Variants in HS6ST2 observed in about 807,000 individuals in gnomAD.
The protein encoded by HS6ST2 is heparan-sulfate 6-O-sulfotransferase 2.
HS6ST2 carries 17 observed loss-of-function variants against 33.0 expected under a neutral mutation model. That is an observed-to-expected ratio of 0.52 (90% CI 0.35 to 0.77). HS6ST2 has a LOEUF of 0.77. Ranked by LOEUF, HS6ST2 falls within the 30% of genes least tolerant of loss-of-function variation. The pLI, the probability that HS6ST2 is intolerant of heterozygous loss-of-function variation, is 0.01. For synonymous variants in HS6ST2, 248 were observed against 237.1 expected (o/e 1.05, Z -0.42); for missense variants, 519 against 551.7 (o/e 0.94, Z 0.59).
intron 2 of HS6ST2, among the ~76,000 whole-genome samples, chrX:132,834,390 C>A (rs1000409668): frequency 4.5e-5 from 5 of 111,880 alleles, no homozygotes; most frequent in Middle Eastern, 4.6e-3. Flanking sequence ...GTGATGAAAT[C>A]TCTGATTCCA....
chrX:132,735,622 C>T (rs1199437841), intron 2 of HS6ST2, among the ~76,000 whole-genome samples: 1 of 111,307 alleles, frequency 9.0e-6, no homozygotes, highest in Non-Finnish European at 1.9e-5. Context: ...AACAGGAAGG[C>T]TGGTCTCAAG....
At chrX:132,889,468 A>G (rs1022932790) in intron 2 of HS6ST2, among the ~76,000 whole-genome samples, 1 of 111,196 alleles carries the variant, frequency 9.0e-6, no homozygotes, top group East Asian at 2.9e-4. Flanking sequence ...ACTGGGTCAA[A>G]GGGAACGGTA....
At chrX:132,707,313 G>A (rs1176717467) in intron 3 of HS6ST2, among the ~76,000 whole-genome samples, 1 of 112,219 alleles carries the variant, frequency 8.9e-6, no homozygotes, top group Non-Finnish European at 1.9e-5. Flanking sequence ...ATATTTAAAT[G>A]TTCTCCCATA....
chrX:132,636,824 C>T (rs858619), intron 4 of HS6ST2, among the ~76,000 whole-genome samples: 15,920 of 111,717 alleles, frequency 0.14, 824 homozygotes, highest in Non-Finnish European at 0.15. Context: ...TTTGGCTGCT[C>T]AAAGAGGACA....
At chrX:132,907,780 C>T (rs181561078) in intron 2 of HS6ST2, among the ~76,000 whole-genome samples, 129 of 112,282 alleles carry the variant, frequency 1.1e-3, no homozygotes, top group African/African-American at 4.0e-3. Context: ...AACTTGAAAT[C>T]GATCGGAGAC....
At chrX:132,656,833 C>A (rs2063733704) in intron 4 of HS6ST2, among the ~76,000 whole-genome samples, 1 of 111,659 alleles carries the variant, frequency 9.0e-6, no homozygotes, top group Admixed American at 9.5e-5. Context: ...TCCAGACTAC[C>A]CCATCACTTT....
At chrX:132,744,689 C>T (rs1287608450) in intron 2 of HS6ST2, among the ~76,000 whole-genome samples, 5 of 111,364 alleles carry the variant, frequency 4.5e-5, no homozygotes, top group African/African-American at 1.6e-4. Flanking sequence ...AATACATTGA[C>T]AGGGTGCCCC....
chrX:132,714,178 T>C (rs2064254560), intron 2 of HS6ST2, among the ~76,000 whole-genome samples: 1 of 111,559 alleles, frequency 9.0e-6, no homozygotes, highest in Non-Finnish European at 1.9e-5. Context: ...AATAAAAAAC[T>C]GATACCCCAA....
intron 2 of HS6ST2, among the ~76,000 whole-genome samples, chrX:132,912,848 G>T (rs950244113): frequency 1.8e-5 from 2 of 111,617 alleles, no homozygotes; most frequent in African/African-American, 6.5e-5. Flanking sequence ...ATAAATCCAT[G>T]GACAAAATTG....
At chrX:132,649,655 C>T (rs1330470816) in intron 4 of HS6ST2, among the ~76,000 whole-genome samples, 1 of 111,398 alleles carries the variant, frequency 9.0e-6, no homozygotes, top group Non-Finnish European at 1.9e-5. Context: ...GTCAGGAGTT[C>T]GAGACCAGCC....
intron 2 of HS6ST2, among the ~76,000 whole-genome samples, chrX:132,848,323 C>T (rs1004460225): frequency 6.2e-5 from 7 of 112,658 alleles, no homozygotes; most frequent in African/African-American, 2.3e-4. Context: ...AGATGCATCC[C>T]TCCTGGGTAG....
chrX:132,915,418 G>A (rs150603190), intron 2 of HS6ST2, among the ~76,000 whole-genome samples: 8 of 112,029 alleles, frequency 7.1e-5, no homozygotes, highest in Non-Finnish European at 1.1e-4. Flanking sequence ...TCCTCAAGAC[G>A]TATCTTTAGA....
chrX:132,924,379 T>A (rs893360288), intron 2 of HS6ST2, among the ~76,000 whole-genome samples: 6 of 112,287 alleles, frequency 5.3e-5, no homozygotes, highest in African/African-American at 1.9e-4. Flanking sequence ...TTAAATGTGT[T>A]CCTATAAGCC....
chrX:132,905,372 C>A (rs1216883307), intron 2 of HS6ST2, among the ~76,000 whole-genome samples: 3 of 112,294 alleles, frequency 2.7e-5, no homozygotes, highest in Non-Finnish European at 5.6e-5. Context: ...CTTTTCACAC[C>A]TAGATTTTTC....
intron 2 of HS6ST2, among the ~76,000 whole-genome samples, chrX:132,828,678 T>TTTTATATA (rs1556460225): frequency 3.8e-5 from 2 of 53,242 alleles, no homozygotes; most frequent in African/African-American, 1.8e-4. Context: ...ATATCATATT[T>TTTTATATA]TATATATATA....
At chrX:132,682,070 C>T (rs1322986016) in intron 3 of HS6ST2, among the ~76,000 whole-genome samples, 1 of 112,278 alleles carries the variant, frequency 8.9e-6, no homozygotes, top group Non-Finnish European at 1.9e-5. Flanking sequence ...GGACCAGATG[C>T]TACTGTAGGA....
At chrX:132,754,753 C>T (rs1294962927) in intron 2 of HS6ST2, among the ~76,000 whole-genome samples, 1 of 110,108 alleles carries the variant, frequency 9.1e-6, no homozygotes, top group East Asian at 2.8e-4. Context: ...GCTCTGCTGC[C>T]CAGGCTGGAG....
Sources: allele counts gnomAD v4.1 joint callset (sites outside exome capture counted in the v4.1 genomes callset), GRCh38; gene constraint gnomAD v4.1.1; transcripts MANE v1.5; gene names NCBI Gene and HGNC (gene_info 2026-07-23, HGNC 2026-07-21).